The following TBC1D23 variants were observed in gnomAD, a reference collection of about 807,000 sequenced individuals.
TBC1D23 encodes HCV non-structural protein 4A-transactivated protein 1.
In TBC1D23, 55 loss-of-function variants were observed where a neutral mutation model predicts 91.4. The observed-to-expected ratio is 0.60, with a 90% CI of 0.48 to 0.75. The LOEUF (loss-of-function observed/expected upper bound fraction) is 0.75, where lower values mean the gene tolerates loss of function less well. TBC1D23 is among the 30% of genes least tolerant of loss of function. The pLI, the probability that TBC1D23 is intolerant of heterozygous loss-of-function variation, is 0.00. For missense variants in TBC1D23, 725 were observed against 836.1 expected, an observed-to-expected ratio of 0.87 and a Z score of 1.64; for synonymous variants, 289 against 281.0, an observed-to-expected ratio of 1.03 and a Z score of -0.28.
At chr3:100,309,110 G>T (rs1358102170) in intron 13 of TBC1D23, among the ~76,000 whole-genome samples, 1 of 152,088 alleles carries the variant, frequency 6.6e-6, no homozygotes, top group Non-Finnish European at 1.5e-5. Context: ...GGAGGCGGAG[G>T]TTGCAGTGAG....
intron 12 of TBC1D23, 137 bp from the exon 13 acceptor site, chr3:100,306,300 A>C: frequency 1.7e-6 from 1 of 587,044 alleles, no homozygotes; most frequent in Non-Finnish European, 3.0e-6. Flanking sequence ...ACAGACGTGC[A>C]GAAAGAAATA....
intron 5 of TBC1D23, among the ~76,000 whole-genome samples, chr3:100,292,956 G>A (rs2067804650): frequency 6.6e-6 from 1 of 152,112 alleles, no homozygotes; most frequent in Non-Finnish European, 1.5e-5. Context: ...ACCTATTTAT[G>A]TTAAGGTAGT....
intron 16 of TBC1D23, among the ~76,000 whole-genome samples, chr3:100,318,421 A>G (rs1324405036): frequency 6.6e-6 from 1 of 152,150 alleles, no homozygotes; most frequent in African/African-American, 2.4e-5. Context: ...ATAGGTGCCT[A>G]TTGTTTAACA....
rs902721632 is a variant in TBC1D23, at chr3:100,275,408, C to T, written c.54-4241C>T. Among the ~76,000 whole-genome samples the T allele has an allele frequency of 2.6e-5, 4 of 152,240 alleles. No individual in the cohort carries two copies. In the South Asian group the frequency reaches 8.3e-4, roughly 32 times the overall value. ...GCTCAATTGATCCTCCTGCCTCAGC[C>T]TGTTGAGTAGCTGGGACTACAGCTG... On this transcript the variant is annotated intron_variant, in intron 1 of 18. Coordinates refer to ENST00000394144, the MANE Select transcript of TBC1D23 (RefSeq NM_001199198.3).
At position 100,306,220 on chromosome 3, in the gene TBC1D23, A is replaced by G. The variant is rs190740634; in HGVS notation, c.1307-217A>G. On this transcript the variant is annotated intron_variant, in intron 12 of 18. Transcript: ENST00000394144. ...ACATTGGCGTCAGTTAAGAAAAGTT[A>G]TCCGTGTACAGAGGGTTTTAGAAGG... 3.2e-3 allele frequency among the ~76,000 whole-genome samples: 487 copies of G among 152,318 alleles called. 1 individual carries two copies. Among genetic ancestry groups the G allele is most frequent in the Non-Finnish European group, 5.3e-3 (362 of 68,020 alleles).
intron 1 of TBC1D23, among the ~76,000 whole-genome samples, chr3:100,278,027 T>C (rs1211499781): frequency 1.3e-5 from 2 of 152,250 alleles, no homozygotes; most frequent in Non-Finnish European, 2.9e-5. Context: ...TTCTGTTGAG[T>C]ATGATCCTAA....
At chr3:100,309,637 C>T (rs1329113202) in intron 13 of TBC1D23, among the ~76,000 whole-genome samples, 1 of 60,804 alleles carries the variant, frequency 1.6e-5, no homozygotes, top group Non-Finnish European at 3.7e-5. Flanking sequence ...TTTGAGACAG[C>T]GTCTCGCTCT....
intron 1 of TBC1D23, 63 bp from the exon 2 acceptor site, chr3:100,279,586 G>T: frequency 8.6e-7 from 1 of 1,158,274 alleles, no homozygotes; most frequent in South Asian, 1.5e-5. Context: ...GCTTATAAAT[G>T]AATCTTGAAT....
At chr3:100,261,840 A>G (rs2067513561) in intron 1 of TBC1D23, among the ~76,000 whole-genome samples, 1 of 152,184 alleles carries the variant, frequency 6.6e-6, no homozygotes, top group East Asian at 1.9e-4. Context: ...CTCACGATAC[A>G]CTGTTAGGTT....
chr3:100,302,830 C>T (rs1354623617), intron 11 of TBC1D23, among the ~76,000 whole-genome samples: 6 of 152,190 alleles, frequency 3.9e-5, no homozygotes, highest in Admixed American at 1.3e-4. Context: ...TCAAGTGATC[C>T]GCCCTCCTCG....
chr3:100,323,539 ACATATG>A, intron 18 of TBC1D23, 42 bp from the exon 19 acceptor site: 1 of 900,198 alleles, frequency 1.1e-6, no homozygotes, highest in Non-Finnish European at 1.5e-6. Flanking sequence ...ATATACATAT[ACATATG>A]TATATATATA....
At chr3:100,302,457 A>G (rs925892883) in intron 11 of TBC1D23, among the ~76,000 whole-genome samples, 5 of 152,202 alleles carry the variant, frequency 3.3e-5, no homozygotes, top group African/African-American at 1.2e-4. Context: ...GATAGGAATT[A>G]AAAAATATTT....
At chr3:100,298,755 A>G (rs1165391586) in intron 9 of TBC1D23, among the ~76,000 whole-genome samples, 1 of 152,230 alleles carries the variant, frequency 6.6e-6, no homozygotes, top group African/African-American at 2.4e-5. Flanking sequence ...TATCCAGTTT[A>G]AAGAGATCCA....
At chr3:100,300,211 C>A (rs1576176216) in intron 10 of TBC1D23, among the ~76,000 whole-genome samples, 2 of 152,256 alleles carry the variant, frequency 1.3e-5, no homozygotes, top group Admixed American at 1.3e-4. Flanking sequence ...ATTCTGGGAT[C>A]ATTAAAGCCT....
chr3:100,296,097 A>G (rs1182435005), intron 7 of TBC1D23, 75 bp from the exon 8 acceptor site: 2 of 752,728 alleles, frequency 2.7e-6, no homozygotes, highest in Non-Finnish European at 4.3e-6. Context: ...TATGATGAAG[A>G]TATTTCGGCT....
In TBC1D23 at chr3:100,290,694, T is replaced by C; in HGVS notation, c.593T>C (p.Leu198Pro). 1 of 1,597,696 alleles carries C rather than the reference T, an allele frequency of 6.3e-7. No homozygotes were observed. The highest frequency in any genetic ancestry group is 8.5e-7 in the Non-Finnish European group (1 of 1,171,338). ...AAAATTACTCCAGACTCCTATGCAC[T>C]CAACTGGGTAATAAAGTGAAAGTAG... Reference protein sequence around the residue: ...TKKITPDSYALNWLGSLFACY... With the variant: ...TKKITPDSYAPNWLGSLFACY... The change falls in exon 5 of 19, where the codon CTC becomes CCC. Residue 198 changes from leucine to proline, a missense_variant. Transcript: ENST00000394144.
At chr3:100,284,998 CTT>C (rs957813875) in intron 4 of TBC1D23, among the ~76,000 whole-genome samples, 39 of 152,222 alleles carry the variant, frequency 2.6e-4, no homozygotes, top group African/African-American at 8.7e-4. Context: ...TTAACTGACT[CTT>C]ATTTTTTACT....
intron 4 of TBC1D23, among the ~76,000 whole-genome samples, chr3:100,284,520 T>A (rs1279213283): frequency 2.6e-5 from 4 of 152,068 alleles, no homozygotes; most frequent in Non-Finnish European, 5.9e-5. Flanking sequence ...AATTGAAGTG[T>A]GCTGAATGTT....
At chr3:100,320,529 TTTTTA>T (rs1379111143) in intron 17 of TBC1D23, among the ~76,000 whole-genome samples, 1 of 152,134 alleles carries the variant, frequency 6.6e-6, no homozygotes, top group African/African-American at 2.4e-5. Flanking sequence ...TGTATGGAAC[TTTTTA>T]TTATATTTAT....
Sources: allele counts gnomAD v4.1 joint callset (sites outside exome capture counted in the v4.1 genomes callset), GRCh38; gene constraint gnomAD v4.1.1; transcripts MANE v1.5; gene names NCBI Gene and HGNC (gene_info 2026-07-23, HGNC 2026-07-21).